The following ZFPM2 variants were observed in gnomAD, a reference collection of about 807,000 sequenced individuals.
ZFPM2 encodes the protein zinc finger protein ZFPM2.
Under a neutral mutation model 98.6 loss-of-function variants are expected in ZFPM2, and 20 were observed. The ratio of observed to expected loss-of-function variants is 0.20; its 90% CI spans 0.14 to 0.29. ZFPM2 has a LOEUF of 0.29. Among genes scored for constraint, ZFPM2 ranks in the 10% least tolerant of loss-of-function variants. The pLI is 1.00. For missense variants in ZFPM2, 1,310 were observed against 1,388.6 expected (o/e 0.94, Z 0.90); for synonymous variants, 518 against 502.7 (o/e 1.03, Z -0.41).
intron 5 of ZFPM2, among the ~76,000 whole-genome samples, chr8:105,682,236 A>G (rs1810623558): frequency 6.6e-6 from 1 of 152,160 alleles, no homozygotes; most frequent in Non-Finnish European, 1.5e-5. Flanking sequence ...GTGGAGGCAC[A>G]AGTCACAACG....
chr8:105,680,144 A>C (rs956076871), intron 5 of ZFPM2, among the ~76,000 whole-genome samples: 11 of 152,166 alleles, frequency 7.2e-5, no homozygotes, highest in Non-Finnish European at 1.2e-4. Context: ...TATTAGCTTG[A>C]AGAAGGGTTG....
intron 1 of ZFPM2, among the ~76,000 whole-genome samples, chr8:105,360,074 T>C (rs1812828113): frequency 6.6e-6 from 1 of 152,190 alleles, no homozygotes; most frequent in African/African-American, 2.4e-5. Context: ...TTTTGGTACA[T>C]GGCTCTGTTC....
chr8:105,691,231 CTTTTTTTTTTTTT>C (rs869164122), intron 5 of ZFPM2, among the ~76,000 whole-genome samples: 11 of 67,964 alleles, frequency 1.6e-4, no homozygotes, highest in Admixed American at 1.3e-3. Flanking sequence ...CCCAAAGAGA[CTTTTTTTTTTTTT>C]TTTTTTTTTT....
rs80309369 is a variant in ZFPM2, at chr8:105,563,688, A to G, written c.420+2207A>G. 8.5e-5 allele frequency among the ~76,000 whole-genome samples: 13 copies of G among 152,320 alleles called. No individual in the cohort carries two copies. In the East Asian group the frequency reaches 2.5e-3, roughly 29 times the overall value. ...AAGGCAAGAGAAGGATTGTCTAAAC[A>G]TCAAAGATTGAATTAAATGCTATTC... is the stretch of plus-strand genomic sequence containing the variant. On this transcript the variant is annotated intron_variant, in intron 4 of 7. Coordinates refer to ENST00000407775, the MANE Select transcript of ZFPM2 (RefSeq NM_012082.4).
chr8:105,488,033 T>A (rs967513657), intron 3 of ZFPM2, among the ~76,000 whole-genome samples: 4 of 151,996 alleles, frequency 2.6e-5, no homozygotes, highest in Admixed American at 6.6e-5. Flanking sequence ...CATGTACCTC[T>A]GCCCCAACAT....
chr8:105,651,550 C>T (rs544208464), intron 5 of ZFPM2, among the ~76,000 whole-genome samples: 14 of 152,108 alleles, frequency 9.2e-5, no homozygotes, highest in African/African-American at 3.1e-4. Flanking sequence ...ATAACCTTCT[C>T]ACCATCTGTA....
At chr8:105,492,396 A>G (rs532832790) in intron 3 of ZFPM2, among the ~76,000 whole-genome samples, 83 of 152,302 alleles carry the variant, frequency 5.4e-4, no homozygotes, top group African/African-American at 1.8e-3. Flanking sequence ...TAGTACTGAA[A>G]AAATAGTATT....
intron 3 of ZFPM2, among the ~76,000 whole-genome samples, chr8:105,510,008 A>G (rs1262916573): frequency 2.0e-5 from 3 of 150,592 alleles, no homozygotes; most frequent in African/African-American, 7.5e-5. Flanking sequence ...TCATCTACAC[A>G]TCAGATATAT....
chr8:105,329,469 G>A (rs1812172162), intron 1 of ZFPM2, among the ~76,000 whole-genome samples: 1 of 151,616 alleles, frequency 6.6e-6, no homozygotes, highest in African/African-American at 2.4e-5. Flanking sequence ...AAAGGATGAG[G>A]GCATATGCTC....
intron 1 of ZFPM2, among the ~76,000 whole-genome samples, chr8:105,380,647 A>ATATATATATATTATATATAACATATATAT (rs1554599598): frequency 1.4e-4 from 2 of 13,904 alleles, no homozygotes; most frequent in Non-Finnish European, 2.6e-4. Context: ...TATATATATT[A>ATATATATATATTATATATAACATATATAT]TATATATATA....
intron 4 of ZFPM2, among the ~76,000 whole-genome samples, chr8:105,606,247 C>A (rs1041877202): frequency 3.9e-5 from 6 of 152,000 alleles, no homozygotes. Flanking sequence ...CTCTCCTCAC[C>A]CTAAGAGGAC....
intron 5 of ZFPM2, among the ~76,000 whole-genome samples, chr8:105,714,701 A>C (rs1298831050): frequency 6.6e-6 from 1 of 152,056 alleles, no homozygotes; most frequent in Non-Finnish European, 1.5e-5. Flanking sequence ...CTCTCTGTTC[A>C]GTGACATAAC....
At chr8:105,700,399 C>T (rs996093547) in intron 5 of ZFPM2, among the ~76,000 whole-genome samples, 1 of 152,158 alleles carries the variant, frequency 6.6e-6, no homozygotes, top group African/African-American at 2.4e-5. Context: ...TCCAAAATAG[C>T]ACTAGTTACT....
chr8:105,758,615 C>T (rs1266166917), intron 5 of ZFPM2, among the ~76,000 whole-genome samples: 3 of 151,826 alleles, frequency 2.0e-5, no homozygotes, highest in Non-Finnish European at 4.4e-5. Context: ...TAACAGAAAA[C>T]TTATTGCTTC....
chr8:105,693,980 C>CTTTTTTTTTTTTTTTTTTTTTT, intron 5 of ZFPM2, among the ~76,000 whole-genome samples: 1 of 118,412 alleles, frequency 8.4e-6, no homozygotes, highest in Non-Finnish European at 1.7e-5. Flanking sequence ...TTTTTCTTTT[C>CTTTTTTTTTTTTTTTTTTTTTT]TTTTTTTTTT....
chr8:105,546,730 G>A (rs982593371), intron 3 of ZFPM2, among the ~76,000 whole-genome samples: 5 of 152,050 alleles, frequency 3.3e-5, no homozygotes, highest in East Asian at 3.9e-4. Context: ...TTGATTCCAC[G>A]GCAAGTAGCA....
intron 1 of ZFPM2, among the ~76,000 whole-genome samples, chr8:105,415,560 A>G (rs770465729): frequency 3.3e-5 from 5 of 152,026 alleles, no homozygotes; most frequent in Non-Finnish European, 1.5e-5. Context: ...TTCTGTGCCC[A>G]CTAATCCATA....
At chr8:105,747,621 A>G (rs562136392) in intron 5 of ZFPM2, among the ~76,000 whole-genome samples, 1 of 152,178 alleles carries the variant, frequency 6.6e-6, no homozygotes, top group South Asian at 2.1e-4. Flanking sequence ...TCTTTGGGCT[A>G]TAGCTTATCA....
At chr8:105,630,288 A>G (rs1003840897) in intron 4 of ZFPM2, among the ~76,000 whole-genome samples, 23 of 152,238 alleles carry the variant, frequency 1.5e-4, no homozygotes, top group African/African-American at 5.3e-4. Context: ...GTTATTTTCT[A>G]TTCATGGATT....
Sources: allele counts gnomAD v4.1 joint callset (sites outside exome capture counted in the v4.1 genomes callset), GRCh38; gene constraint gnomAD v4.1.1; transcripts MANE v1.5; gene names NCBI Gene and HGNC (gene_info 2026-07-23, HGNC 2026-07-21).